The following ST8SIA2 variants were observed in gnomAD, a reference collection of about 807,000 sequenced individuals.
ST8SIA2 encodes the protein alpha-2,8-sialyltransferase 8B.
Under a neutral mutation model 37.6 loss-of-function variants are expected in ST8SIA2, and 22 were observed. The ratio of observed to expected loss-of-function variants is 0.58; its 90% CI spans 0.42 to 0.83. ST8SIA2 has a LOEUF of 0.83. Among genes scored for constraint, ST8SIA2 ranks in the 40% least tolerant of loss-of-function variants. ST8SIA2 has a pLI of 0.00. For synonymous variants in ST8SIA2, 205 were observed against 201.2 expected, an observed-to-expected ratio of 1.02 and a Z score of -0.16; for missense variants, 382 against 484.7, an observed-to-expected ratio of 0.79 and a Z score of 1.99.
At chr15:92,449,367 T>G (rs1463829698) in intron 5 of ST8SIA2, among the ~76,000 whole-genome samples, 1 of 152,250 alleles carries the variant, frequency 6.6e-6, no homozygotes, top group East Asian at 1.9e-4. Flanking sequence ...CATGATGTAT[T>G]CCATGGTGTA....
chr15:92,434,107 T>G lies in ST8SIA2; in HGVS notation c.162-140T>G. ...ATTACTGGAAGATAAATAGACTTCC[T>G]TCTCTTCTCAGGTAATAACTGCAAT... On this transcript the variant is annotated intron_variant, in intron 2 of 5. Transcript: ENST00000268164. 4 of 1,163,772 alleles carry G rather than the reference T, an allele frequency of 3.4e-6. No individual in the cohort carries two copies. In the South Asian group the frequency reaches 3.8e-5, roughly 11 times the overall value. 72.1% of individuals were successfully genotyped at this position (1,163,772 alleles called of 1,614,324 possible).
intron 5 of ST8SIA2, among the ~76,000 whole-genome samples, chr15:92,458,250 C>A (rs2049933186): frequency 6.6e-6 from 1 of 152,188 alleles, no homozygotes; most frequent in African/African-American, 2.4e-5. Context: ...CTGACATCTT[C>A]TGACCAGGAG....
chr15:92,447,894 G>T (rs186788899), intron 5 of ST8SIA2, among the ~76,000 whole-genome samples: 6 of 152,246 alleles, frequency 3.9e-5, no homozygotes, highest in African/African-American at 1.2e-4. Context: ...CCCTCATCTC[G>T]TGGACTGTTT....
chr15:92,422,755 G>A (rs188329427), intron 1 of ST8SIA2: 3 of 152,764 alleles, frequency 2.0e-5, no homozygotes, highest in Non-Finnish European at 4.4e-5. Context: ...TGGTTGTTCT[G>A]CAGACAACAA....
chr15:92,440,024 C>T (rs1184689200), intron 4 of ST8SIA2, among the ~76,000 whole-genome samples: 3 of 152,190 alleles, frequency 2.0e-5, no homozygotes, highest in Non-Finnish European at 2.9e-5. Flanking sequence ...TCATGAGTCC[C>T]CACAGTGAGC....
chr15:92,405,139 T>C (rs1172310875), intron 1 of ST8SIA2, among the ~76,000 whole-genome samples: 1 of 152,188 alleles, frequency 6.6e-6, no homozygotes, highest in African/African-American at 2.4e-5. Context: ...GGAATATTAT[T>C]CAATCTTAAA....
At chr15:92,457,034 G>A (rs2049924459) in intron 5 of ST8SIA2, among the ~76,000 whole-genome samples, 1 of 152,208 alleles carries the variant, frequency 6.6e-6, no homozygotes, top group Admixed American at 6.5e-5. Context: ...GCACACCAGA[G>A]GCCTCAACAG....
At chr15:92,438,194 G>C (rs1017672) in intron 3 of ST8SIA2, among the ~76,000 whole-genome samples, 159 bp from the exon 4 acceptor site, 93,592 of 152,120 alleles carry the variant, frequency 0.62, 30,634 homozygotes, top group African/African-American at 0.85. Flanking sequence ...GCCATCCCTG[G>C]CTGGAACCTG....
intron 5 of ST8SIA2, among the ~76,000 whole-genome samples, chr15:92,459,875 C>T (rs1300777905): frequency 6.6e-6 from 1 of 152,078 alleles, no homozygotes; most frequent in Non-Finnish European, 1.5e-5. Flanking sequence ...AATTAGTTGC[C>T]AACATTTAAA....
At chr15:92,440,254 G>C (rs181917456) in intron 4 of ST8SIA2, among the ~76,000 whole-genome samples, 1 of 152,124 alleles carries the variant, frequency 6.6e-6, no homozygotes, top group Non-Finnish European at 1.5e-5. Flanking sequence ...CTGGCCTTGA[G>C]GTTCTTTCAT....
chr15:92,425,239 C>T (rs1029056787), intron 1 of ST8SIA2, among the ~76,000 whole-genome samples: 3 of 152,180 alleles, frequency 2.0e-5, no homozygotes, highest in Non-Finnish European at 2.9e-5. Context: ...CTCATCAATT[C>T]CTGTGATTTA....
intron 1 of ST8SIA2, among the ~76,000 whole-genome samples, chr15:92,401,529 C>T (rs573676046): frequency 1.3e-5 from 2 of 152,154 alleles, no homozygotes; most frequent in Non-Finnish European, 2.9e-5. Context: ...AGAGCAGCGG[C>T]CCCGACACGA....
chr15:92,402,096 G>A (rs2049476451), intron 1 of ST8SIA2, among the ~76,000 whole-genome samples: 1 of 152,034 alleles, frequency 6.6e-6, no homozygotes, highest in African/African-American at 2.4e-5. Flanking sequence ...GGCTGAAGAG[G>A]GTGGTAACCT....
chr15:92,430,129 TG>T lies in ST8SIA2; in HGVS notation c.161+19del, dbSNP rs760061081. The T allele has an allele frequency of 6.2e-7, 1 of 1,612,168 alleles. No individual in the cohort carries two copies. Among genetic ancestry groups the T allele is most frequent in the East Asian group, 2.2e-5 (1 of 44,870 alleles). ...TCTAATAGGTTTGTAAATTAGATTT[TG>T]TGTTCATTTGTTTTTGCTGTAAGGC... On this transcript the variant is annotated intron_variant, in intron 2 of 5. Transcript: ENST00000268164.
intron 1 of ST8SIA2, among the ~76,000 whole-genome samples, chr15:92,405,564 C>CT (rs34894428): frequency 0.33 from 50,353 of 152,110 alleles, 9,474 homozygotes; most frequent in Middle Eastern, 0.43. Context: ...GACACACTGA[C>CT]TTATTTTAAG....
intron 4 of ST8SIA2, among the ~76,000 whole-genome samples, chr15:92,442,846 A>G (rs1567220791): frequency 6.6e-6 from 1 of 152,274 alleles, no homozygotes; most frequent in East Asian, 1.9e-4. Context: ...GAAATCACAA[A>G]CAGGCTCTTT....
At chr15:92,403,068 G>C (rs11074067) in intron 1 of ST8SIA2, among the ~76,000 whole-genome samples, 75,187 of 151,958 alleles carry the variant, frequency 0.49, 18,757 homozygotes, top group Middle Eastern at 0.54. Flanking sequence ...CAAGGAGATA[G>C]CACATCCCAA....
rs919025571 is a variant in ST8SIA2 at position 92,414,842 on chromosome 15, C to T, written c.99-15207C>T. On this transcript the variant is annotated intron_variant, in intron 1 of 5. Coordinates refer to ENST00000268164, the MANE Select transcript of ST8SIA2 (RefSeq NM_006011.4). ...ACAAGCTATCGTGGCATTAGTTGGA[C>T]GCAGCCATTTCCCATGCCCTAAGTC... Among the ~76,000 whole-genome samples, 9 of 152,214 alleles carry T rather than the reference C, an allele frequency of 5.9e-5. No individual in the cohort carries two copies. The East Asian group carries it at 9.6e-4, about 16-fold the overall frequency.
chr15:92,440,446 G>A (rs146402051), intron 4 of ST8SIA2, among the ~76,000 whole-genome samples: 326 of 152,262 alleles, frequency 2.1e-3, no homozygotes, highest in African/African-American at 7.1e-3. Context: ...AGGTGCAGCC[G>A]GGGTGTGCTC....
Sources: allele counts gnomAD v4.1 joint callset (sites outside exome capture counted in the v4.1 genomes callset), GRCh38; gene constraint gnomAD v4.1.1; transcripts MANE v1.5; gene names NCBI Gene and HGNC (gene_info 2026-07-23, HGNC 2026-07-21).